DACH2: variants seen among roughly 807,000 people sequenced by gnomAD.
DACH2 encodes the protein dachshund family transcription factor 2.
In DACH2, 17 loss-of-function variants were observed where a neutral mutation model predicts 35.8. The observed-to-expected ratio is 0.48, with a 90% confidence interval of 0.33 to 0.71. The LOEUF (loss-of-function observed/expected upper bound fraction) is 0.71. DACH2 is among the 30% of genes least tolerant of loss of function. DACH2 has a pLI of 0.02. For missense variants in DACH2, 469 were observed against 472.7 expected, an observed-to-expected ratio of 0.99 and a Z score of 0.07; for synonymous variants, 195 against 177.3, an observed-to-expected ratio of 1.10 and a Z score of -0.79.
chrX:86,614,770 C>A (rs1419902466), intron 3 of DACH2, among the ~76,000 whole-genome samples: 1 of 111,436 alleles, frequency 9.0e-6, no homozygotes, highest in East Asian at 2.8e-4. Context: ...TGCTCATCAG[C>A]AAAATGAGTT....
intron 5 of DACH2, among the ~76,000 whole-genome samples, chrX:86,699,089 A>G (rs2041108853): frequency 8.9e-6 from 1 of 111,974 alleles, no homozygotes; most frequent in Non-Finnish European, 1.9e-5. Flanking sequence ...TAGACCTAGG[A>G]AAAGAGGTAG....
In DACH2 at chrX:86,380,183, A is replaced by G. The variant is rs2036025615; in HGVS notation, c.527+3321A>G. ...GATTTTTCACATATTAGTTCTTTTA[A>G]TCATCGTAACAACTCTATAAGATAG... On this transcript the variant is annotated intron_variant, in intron 2 of 11. Coordinates refer to ENST00000373125, the MANE Select transcript of DACH2 (RefSeq NM_053281.3). Among the ~76,000 whole-genome samples, 3 of 110,612 alleles carry G rather than the reference A, an allele frequency of 2.7e-5. No individual in the cohort carries two copies. The South Asian group carries it at 1.1e-3, about 42-fold the overall frequency.
intron 1 of DACH2, among the ~76,000 whole-genome samples, chrX:86,274,547 A>T (rs1002614296): frequency 1.3e-5 from 1 of 79,789 alleles, no homozygotes; most frequent in African/African-American, 5.1e-5. Context: ...CAGGCTGGAG[A>T]GCAGTGGCGT....
chrX:86,673,848 T>A (rs954632105), intron 4 of DACH2, among the ~76,000 whole-genome samples: 1 of 111,245 alleles, frequency 9.0e-6, no homozygotes, highest in African/African-American at 3.3e-5. Flanking sequence ...TTTAAAAGTG[T>A]GTAGCACCTC....
intron 1 of DACH2, among the ~76,000 whole-genome samples, chrX:86,305,324 C>G (rs1180498965): frequency 9.0e-6 from 1 of 111,627 alleles, no homozygotes; most frequent in Non-Finnish European, 1.9e-5. Context: ...GTGAAATTTT[C>G]TCCTGATATA....
At chrX:86,622,385 A>G (rs1420265650) in intron 3 of DACH2, among the ~76,000 whole-genome samples, 1 of 111,375 alleles carries the variant, frequency 9.0e-6, no homozygotes, top group Admixed American at 9.5e-5. Context: ...TCAATCTTCA[A>G]TTTTTTTCTT....
intron 7 of DACH2, among the ~76,000 whole-genome samples, chrX:86,758,114 C>A (rs2041846430): frequency 1.8e-5 from 2 of 111,513 alleles, no homozygotes; most frequent in Admixed American, 9.5e-5. Context: ...TATGTCATTT[C>A]TCACTTTTAT....
At chrX:86,702,538 CAAGAA>C (rs1794014893) in intron 5 of DACH2, among the ~76,000 whole-genome samples, 1 of 111,213 alleles carries the variant, frequency 9.0e-6, no homozygotes, top group African/African-American at 3.3e-5. Context: ...GTAGATTAAT[CAAGAA>C]AAGAAGAGAG....
At chrX:86,635,198 G>A (rs894286573) in intron 3 of DACH2, among the ~76,000 whole-genome samples, 7 of 110,817 alleles carry the variant, frequency 6.3e-5, no homozygotes, top group African/African-American at 2.3e-4. Flanking sequence ...TTCCTGGGAT[G>A]CAAGGTTGCT....
At chrX:86,550,522 G>A (rs1426357016) in intron 3 of DACH2, among the ~76,000 whole-genome samples, 1 of 110,278 alleles carries the variant, frequency 9.1e-6, no homozygotes, top group African/African-American at 3.3e-5. Flanking sequence ...AAATCACAAG[G>A]CCACCAAAAG....
chrX:86,171,352 A>T (rs1279583135), intron 1 of DACH2, among the ~76,000 whole-genome samples: 1 of 111,052 alleles, frequency 9.0e-6, no homozygotes, highest in Non-Finnish European at 1.9e-5. Context: ...TCAGTGTGTC[A>T]TGCCCATGCC....
chrX:86,818,008 T>C (rs138695197), intron 11 of DACH2, among the ~76,000 whole-genome samples: 14,804 of 111,835 alleles, frequency 0.13, 885 homozygotes, highest in South Asian at 0.4. Context: ...TTTGTATTTT[T>C]TTCCAAATTA....
intron 4 of DACH2, among the ~76,000 whole-genome samples, chrX:86,673,503 G>T (rs774993730): frequency 1.8e-5 from 2 of 111,024 alleles, no homozygotes; most frequent in Non-Finnish European, 3.8e-5. Flanking sequence ...TACCCCCATT[G>T]TATCTTGAGA....
chrX:86,694,945 G>C (rs1327931207), intron 4 of DACH2, 76 bp from the exon 5 acceptor site: 2 of 764,738 alleles, frequency 2.6e-6, no homozygotes, highest in Non-Finnish European at 3.5e-6. Context: ...CATGATTACA[G>C]CCCTAAAAGG....
intron 1 of DACH2, among the ~76,000 whole-genome samples, chrX:86,247,604 C>T (rs1279923835): frequency 2.7e-5 from 3 of 110,761 alleles, no homozygotes; most frequent in Non-Finnish European, 5.7e-5. Context: ...TTTATGAGTT[C>T]CAAAATTGAA....
intron 2 of DACH2, among the ~76,000 whole-genome samples, chrX:86,450,255 T>C (rs779986894): frequency 9.0e-6 from 1 of 110,962 alleles, no homozygotes; most frequent in Admixed American, 9.7e-5. Flanking sequence ...CCCCAGTGTA[T>C]GTTGTTCCCA....
intron 1 of DACH2, among the ~76,000 whole-genome samples, chrX:86,229,684 C>A (rs1210663798): frequency 9.7e-6 from 1 of 102,886 alleles, no homozygotes; most frequent in East Asian, 3.0e-4. Context: ...TCTTTTGACT[C>A]CTTTGTGAGG....
chrX:86,778,563 T>G (rs2042058165), intron 7 of DACH2, among the ~76,000 whole-genome samples: 1 of 111,963 alleles, frequency 8.9e-6, no homozygotes, highest in Non-Finnish European at 1.9e-5. Flanking sequence ...TCTCTGTAAA[T>G]GCCACAGACA....
intron 2 of DACH2, among the ~76,000 whole-genome samples, chrX:86,452,927 C>A (rs1288955566): frequency 1.8e-5 from 2 of 111,207 alleles, no homozygotes; most frequent in African/African-American, 6.5e-5. Flanking sequence ...AACTTGAGAT[C>A]TTTCTAGCTT....
Sources: allele counts gnomAD v4.1 joint callset (sites outside exome capture counted in the v4.1 genomes callset), GRCh38; gene constraint gnomAD v4.1.1; transcripts MANE v1.5; gene names NCBI Gene and HGNC (gene_info 2026-07-23, HGNC 2026-07-21).